The following SH3RF1 variants were observed in gnomAD, a reference collection of about 807,000 sequenced individuals.
SH3RF1 encodes E3 ubiquitin-protein ligase SH3RF1.
SH3RF1 carries 32 observed loss-of-function variants against 74.0 expected under a neutral mutation model. The ratio of observed to expected loss-of-function variants is 0.43; its 90% confidence interval spans 0.33 to 0.58. SH3RF1 has a LOEUF of 0.58. Ranked by LOEUF, SH3RF1 falls within the 20% of genes least tolerant of loss-of-function variation. The probability of loss-of-function intolerance (pLI) is 0.05; values close to 1 mark genes in which losing one functional copy is unlikely to be tolerated. For missense variants in SH3RF1, 954 were observed against 1,130.9 expected, an observed-to-expected ratio of 0.84 and a Z score of 2.24; for synonymous variants, 396 against 439.6, an observed-to-expected ratio of 0.90 and a Z score of 1.24.
At chr4:169,226,584 AC>A (rs1228251578) in intron 2 of SH3RF1, among the ~76,000 whole-genome samples, 1 of 152,096 alleles carries the variant, frequency 6.6e-6, no homozygotes, top group Non-Finnish European at 1.5e-5. Context: ...ACCATTCCTT[AC>A]CCCCCTAGAA....
intron 2 of SH3RF1, among the ~76,000 whole-genome samples, chr4:169,252,172 T>C (rs902946098): frequency 1.3e-5 from 2 of 152,268 alleles, no homozygotes; most frequent in Non-Finnish European, 2.9e-5. Flanking sequence ...TTCCAGCTTA[T>C]GAATTCTATC....
Position 169,117,393 on chromosome 4 carries a change from G to A in SH3RF1, c.1777+130C>T, listed in dbSNP as rs1054610835. The A allele has an allele frequency of 1.1e-5, 15 of 1,352,234 alleles. No homozygotes were observed. In the African/African-American group the frequency reaches 1.7e-4, roughly 16 times the overall value. The allele number at this position is 1,352,234 out of a possible 1,614,324, so 83.8% of individuals were successfully genotyped here. A position where few individuals can be genotyped will look rare whatever the true frequency, so the allele number is the denominator to read the frequency against. ...AAATAAGCAGATACAAGGTGCCACT[G>A]AGTAGACTTTGCCTAATGTTGTTCA... On this transcript the variant is annotated intron_variant, in intron 9 of 11. Transcript: ENST00000284637.
chr4:169,176,550 G>T (rs746570204), intron 2 of SH3RF1, among the ~76,000 whole-genome samples: 64 of 151,630 alleles, frequency 4.2e-4, no homozygotes, highest in Non-Finnish European at 8.4e-4. Flanking sequence ...GTTTTGTTTG[G>T]TTTTTTTTGA....
intron 4 of SH3RF1, among the ~76,000 whole-genome samples, chr4:169,143,234 A>G (rs1208150115): frequency 6.6e-6 from 1 of 152,230 alleles, no homozygotes. Context: ...ACAGAAAGAA[A>G]TAGGTAAAAC....
intron 2 of SH3RF1, among the ~76,000 whole-genome samples, chr4:169,199,622 A>G (rs2660423): frequency 6.6e-6 from 1 of 152,098 alleles, no homozygotes; most frequent in Admixed American, 6.6e-5. Context: ...TGCGCAAAAA[A>G]AAAAAAATAA....
At chr4:169,207,200 C>A (rs1015555454) in intron 2 of SH3RF1, among the ~76,000 whole-genome samples, 2 of 152,158 alleles carry the variant, frequency 1.3e-5, no homozygotes, top group Non-Finnish European at 2.9e-5. Flanking sequence ...TCAAGCAATC[C>A]TCCTGCCTCA....
chr4:169,096,474 C>T lies in SH3RF1; in HGVS notation c.*45G>A. ...CTTTCTGTTAAACTGCTTTGTGCTA[C>T]TTTGTTGTGTGAAGTGATTTTAAGC... On this transcript the variant is annotated 3_prime_UTR_variant, in exon 12 of 12. Transcript: ENST00000284637. 2 of 1,592,892 alleles carry T rather than the reference C, an allele frequency of 1.3e-6. No individual in the cohort carries two copies. Among genetic ancestry groups the T allele is most frequent in the Non-Finnish European group, 1.7e-6 (2 of 1,169,320 alleles).
chr4:169,156,308 A>C, intron 3 of SH3RF1, 96 bp downstream of exon 3: 1 of 1,346,654 alleles, frequency 7.4e-7, no homozygotes, highest in Non-Finnish European at 9.9e-7. Flanking sequence ...CAAAACTTGT[A>C]TTTTTTTTTG....
intron 2 of SH3RF1, among the ~76,000 whole-genome samples, chr4:169,193,612 C>T (rs527838565): frequency 1.3e-5 from 2 of 152,230 alleles, no homozygotes; most frequent in South Asian, 2.1e-4. Flanking sequence ...GATGCTACGG[C>T]TTATTGTAAT....
At chr4:169,248,874 T>C (rs1731051117) in intron 2 of SH3RF1, among the ~76,000 whole-genome samples, 1 of 152,176 alleles carries the variant, frequency 6.6e-6, no homozygotes, top group Non-Finnish European at 1.5e-5. Flanking sequence ...ATGGTTTGAA[T>C]GGCTCCGCTC....
Position 169,117,586 on chromosome 4 carries a change from T to C in SH3RF1, c.1714A>G (p.Lys572Glu). The change falls in exon 9 of 12, where the codon AAG becomes GAG. Residue 572 changes from lysine (K) to glutamate (E), a missense_variant. This residue lies in a region of SH3RF1 where 854 missense variants were observed against 962.5 expected (regional missense o/e 0.89). Coordinates refer to ENST00000284637, the MANE Select transcript of SH3RF1 (RefSeq NM_020870.4). ...AAHIQTSPQA[K>E]VLLHMTGQMT... Reference sequence around the variant, plus strand: ...TGCCCCGTCATGTGCAACAAGACCTTAGCCTGAGGACTTGTCTGGATGTGA... The same window carrying C: ...TGCCCCGTCATGTGCAACAAGACCTCAGCCTGAGGACTTGTCTGGATGTGA... The C allele has an allele frequency of 6.2e-7, 1 of 1,614,254 alleles. No homozygotes were observed. Among genetic ancestry groups the C allele is most frequent in the Non-Finnish European group, 8.5e-7 (1 of 1,180,040 alleles).
intron 2 of SH3RF1, among the ~76,000 whole-genome samples, chr4:169,185,616 A>G (rs1162320760): frequency 6.6e-6 from 1 of 152,186 alleles, no homozygotes; most frequent in South Asian, 2.1e-4. Flanking sequence ...AAGTGGGTGT[A>G]GTTTCAGGTT....
chr4:169,121,114 T>C, intron 7 of SH3RF1, 125 bp from the exon 8 acceptor site: 1 of 774,312 alleles, frequency 1.3e-6, no homozygotes, highest in Non-Finnish European at 2.1e-6. Flanking sequence ...TATAATCCTT[T>C]AATCTATAAG....
intron 2 of SH3RF1, chr4:169,201,792 G>T (rs1287738495): frequency 6.6e-6 from 1 of 152,060 alleles, no homozygotes; most frequent in Non-Finnish European, 1.5e-5. Flanking sequence ...TCCAATGTAA[G>T]TCAAAGATTT....
At chr4:169,185,890 G>GGGA (rs1309122592) in intron 2 of SH3RF1, among the ~76,000 whole-genome samples, 11 of 152,270 alleles carry the variant, frequency 7.2e-5, no homozygotes, top group African/African-American at 2.4e-4. Flanking sequence ...GAATCAAATG[G>GGGA]GGAGGCAGGA....
chr4:169,096,576 T>C lies in SH3RF1; in HGVS notation c.2610A>G (p.Thr870=). The change falls in exon 12 of 12, where the codon ACA becomes ACG. Residue 870 remains threonine, a synonymous_variant. Transcript: ENST00000284637. ...GGCCAGTTTTCCCATTACGTTGTAA[T>C]GTGCCTTTGAACCAGCCATCCTCTC... ...KKREDGWFKG[T]LQRNGKTGLF... 6.2e-7 allele frequency: 1 copy of C among 1,614,212 alleles called. No individual in the cohort carries two copies. Among genetic ancestry groups the C allele is most frequent in the Non-Finnish European group, 8.5e-7 (1 of 1,180,032 alleles).
chr4:169,108,779 A>G lies in SH3RF1; in HGVS notation c.2140-1574T>C, dbSNP rs1057320483. Among the ~76,000 whole-genome samples the G allele has an allele frequency of 2.0e-5, 3 of 152,342 alleles. No homozygotes were observed. In the South Asian group the frequency reaches 6.2e-4, roughly 32 times the overall value. Reference sequence around the variant, plus strand: ...GTCCTCACAAACTTGGACTGCCTGCATAAGTGCAGTGGCAGTGCTGTATAT... The same window carrying G: ...GTCCTCACAAACTTGGACTGCCTGCGTAAGTGCAGTGGCAGTGCTGTATAT... On this transcript the variant is annotated intron_variant, in intron 10 of 11. Transcript: ENST00000284637.
intron 2 of SH3RF1, among the ~76,000 whole-genome samples, chr4:169,171,227 T>TC: frequency 6.6e-6 from 1 of 152,330 alleles, no homozygotes; most frequent in East Asian, 1.9e-4. Flanking sequence ...ACTTCTGTTT[T>TC]CTGTGAATCA....
chr4:169,169,753 G>A (rs1331711362), intron 2 of SH3RF1, among the ~76,000 whole-genome samples: 1 of 151,940 alleles, frequency 6.6e-6, no homozygotes, highest in East Asian at 1.9e-4. Flanking sequence ...TTTGAGACAG[G>A]GTCTTACTCT....
Sources: allele counts gnomAD v4.1 joint callset (sites outside exome capture counted in the v4.1 genomes callset), GRCh38; gene constraint gnomAD v4.1.1; regional missense constraint gnomAD v4.1.1; transcripts MANE v1.5; gene names NCBI Gene and HGNC (gene_info 2026-07-23, HGNC 2026-07-21).